SLCO3A1: variants seen among roughly 807,000 people sequenced by gnomAD.
The protein encoded by SLCO3A1 is solute carrier organic anion transporter family member 3A1, also known as PGE1 transporter.
In SLCO3A1, 27 loss-of-function variants were observed where a neutral mutation model predicts 63.1. The observed-to-expected ratio is 0.43, with a 90% CI of 0.32 to 0.59. SLCO3A1 has a LOEUF of 0.59. Ranked by LOEUF, SLCO3A1 falls within the 20% of genes least tolerant of loss-of-function variation. The pLI is 0.09. For synonymous variants in SLCO3A1, 473 were observed against 409.9 expected, an observed-to-expected ratio of 1.15 and a Z score of -1.86; for missense variants, 773 against 945.8, an observed-to-expected ratio of 0.82 and a Z score of 2.40.
intron 5 of SLCO3A1, among the ~76,000 whole-genome samples, chr15:92,122,816 G>A (rs1340036355): frequency 1.3e-5 from 2 of 152,220 alleles, no homozygotes; most frequent in African/African-American, 4.8e-5. Context: ...CTATTGCACA[G>A]AATGAGAAGG....
In SLCO3A1 at chr15:92,104,485, G is replaced by T; in HGVS notation, c.952G>T (p.Val318Phe). 1 of 1,614,114 alleles carries T rather than the reference G, an allele frequency of 6.2e-7. No homozygotes were observed. The highest frequency in any genetic ancestry group is 8.5e-7 in the Non-Finnish European group (1 of 1,180,022). Residue 318 changes from valine to phenylalanine, a missense_variant, in exon 4 of 10, where the codon GTC (valine) becomes TTC (phenylalanine). Around this residue, in one of 3 missense-constraint regions of SLCO3A1, gnomAD observed 565 missense variants for 749.8 expected, o/e 0.75. Coordinates refer to ENST00000318445, the MANE Select transcript of SLCO3A1 (RefSeq NM_013272.4). ...CGAGAGACCCAAGCCCAGCAACGGG[G>T]TCCTGAGGCACCCCCTGGAGCCAGA... ...EYERPKPSNGVLRHPLEPDSS... is the reference protein window; with the variant it reads ...EYERPKPSNGFLRHPLEPDSS...
At chr15:92,023,334 G>T (rs2046532781) in intron 2 of SLCO3A1, among the ~76,000 whole-genome samples, 2 of 152,050 alleles carry the variant, frequency 1.3e-5, no homozygotes, top group Admixed American at 1.3e-4. Context: ...AGCTAGCCTG[G>T]TCATATTTTC....
chr15:92,160,083 C>T (rs376705309), intron 9 of SLCO3A1, among the ~76,000 whole-genome samples: 8 of 152,006 alleles, frequency 5.3e-5, no homozygotes, highest in East Asian at 3.9e-4. Context: ...TCCCCGTCAC[C>T]AGGTGTTGGG....
intron 9 of SLCO3A1, 146 bp from the exon 10 acceptor site, chr15:92,162,610 A>T: frequency 7.6e-7 from 1 of 1,318,728 alleles, no homozygotes; most frequent in Non-Finnish European, 1.0e-6. Context: ...ACACAAACTC[A>T]TGCGCTTTGC....
At chr15:91,969,654 C>T (rs1455759450) in intron 2 of SLCO3A1, among the ~76,000 whole-genome samples, 1 of 152,156 alleles carries the variant, frequency 6.6e-6, no homozygotes, top group Non-Finnish European at 1.5e-5. Flanking sequence ...TTACCAAAAT[C>T]TCCTTTTACT....
intron 2 of SLCO3A1, among the ~76,000 whole-genome samples, chr15:91,999,109 G>A (rs951811166): frequency 1.3e-5 from 2 of 152,080 alleles, no homozygotes; most frequent in Non-Finnish European, 2.9e-5. Flanking sequence ...ACGTAAAGTC[G>A]GCAATAATAG....
intron 3 of SLCO3A1, among the ~76,000 whole-genome samples, chr15:92,103,975 T>C (rs115117291): frequency 0.025 from 3,745 of 152,320 alleles, 149 homozygotes; most frequent in African/African-American, 0.085. Flanking sequence ...ACCTTAGCAG[T>C]GCTGCCAAGC....
chr15:91,951,317 A>G (rs1189432461), intron 2 of SLCO3A1, among the ~76,000 whole-genome samples: 1 of 152,306 alleles, frequency 6.6e-6, no homozygotes, highest in Non-Finnish European at 1.5e-5. Context: ...AATCAGTGCA[A>G]TACGTGGTGT....
chr15:92,160,681 AAGG>A (rs1244167628), intron 9 of SLCO3A1, among the ~76,000 whole-genome samples: 1 of 151,920 alleles, frequency 6.6e-6, no homozygotes, highest in Admixed American at 6.6e-5. Flanking sequence ...GAAGAGTTCC[AAGG>A]AGAAGTACAG....
chr15:92,170,454 A>G (rs1218349812), downstream of SLCO3A1, among the ~76,000 whole-genome samples: 1 of 152,236 alleles, frequency 6.6e-6, no homozygotes, highest in Non-Finnish European at 1.5e-5. Flanking sequence ...CACAGGTCTG[A>G]AAACTAAAGC....
intron 2 of SLCO3A1, among the ~76,000 whole-genome samples, chr15:92,090,041 T>C (rs897103285): frequency 1.3e-5 from 2 of 152,108 alleles, no homozygotes; most frequent in African/African-American, 4.8e-5. Context: ...ACAGAAAATA[T>C]ATATATATTT....
At position 92,164,078 on chromosome 15, in the gene SLCO3A1, G is replaced by A. The variant is rs920632452; in HGVS notation, c.*943G>A. On this transcript the variant is annotated 3_prime_UTR_variant, in exon 10 of 10. Coordinates refer to ENST00000318445, the MANE Select transcript of SLCO3A1 (RefSeq NM_013272.4). ...CCATATGAATTTCAAACTGTTGTAT[G>A]TATAATCCTCTAATACTATTTTTAA... 1.0e-6 allele frequency: 1 copy of A among 981,372 alleles called. No individual in the cohort carries two copies. Among genetic ancestry groups the A allele is most frequent in the Non-Finnish European group, 1.2e-6 (1 of 826,336 alleles). 60.8% of individuals were successfully genotyped at this position (981,372 alleles called of 1,614,324 possible).
At position 92,150,962 on chromosome 15, in the gene SLCO3A1, T is replaced by C. The variant is rs2048297686; in HGVS notation, c.1701T>C (p.Pro567=). 6 of 1,612,640 alleles carry C rather than the reference T, an allele frequency of 3.7e-6. No individual in the cohort carries two copies. The highest frequency in any genetic ancestry group is 4.2e-6 in the Non-Finnish European group (5 of 1,179,354). The change falls in exon 9 of 10, where the codon CCT becomes CCC. Residue 567 remains proline (P), a synonymous_variant. Coordinates refer to ENST00000318445, the MANE Select transcript of SLCO3A1 (RefSeq NM_013272.4). ...TCTTTGCACGTAGGACAGTCAGCCC[T>C]GAACTCAAGTCTTACGCTTTGGGAG... ...SVIILIRTVS[P]ELKSYALGVL...
intron 1 of SLCO3A1, among the ~76,000 whole-genome samples, chr15:91,858,403 A>T (rs1567159379): frequency 6.6e-6 from 1 of 151,792 alleles, no homozygotes; most frequent in African/African-American, 2.4e-5. Flanking sequence ...CCTTATAGCT[A>T]GATTCAAAAT....
At chr15:92,017,286 G>C (rs995523860) in intron 2 of SLCO3A1, among the ~76,000 whole-genome samples, 10 of 135,782 alleles carry the variant, frequency 7.4e-5, no homozygotes, top group African/African-American at 2.2e-4. Flanking sequence ...AGCTGGGATT[G>C]GGGGGGGGTA....
chr15:91,905,745 G>T (rs1163251421), intron 1 of SLCO3A1, among the ~76,000 whole-genome samples: 1 of 151,950 alleles, frequency 6.6e-6, no homozygotes, highest in Non-Finnish European at 1.5e-5. Context: ...TAAAAGTCTT[G>T]TAAAGAAAAC....
chr15:91,882,266 C>T lies in SLCO3A1; in HGVS notation c.180+28178C>T, dbSNP rs146043979. Among the ~76,000 whole-genome samples, 3 of 152,280 alleles carry T rather than the reference C, an allele frequency of 2.0e-5. No homozygotes were observed. Among genetic ancestry groups the T allele is most frequent in the East Asian group, 1.9e-4 (1 of 5,176 alleles). ...AAGTTTATGTCTCCCTTCTCAAGCA[C>T]GCAGTCAGGATGTGCATTTGCTGAG... On this transcript the variant is annotated intron_variant, in intron 1 of 9. Coordinates refer to ENST00000318445, the MANE Select transcript of SLCO3A1 (RefSeq NM_013272.4). This position sits in a 1 kb window ranked among gnomAD's most constrained non-coding sequence, Gnocchi z 4.4.
At chr15:92,102,527 G>A (rs556070242) in intron 3 of SLCO3A1, among the ~76,000 whole-genome samples, 2 of 152,288 alleles carry the variant, frequency 1.3e-5, no homozygotes, top group African/African-American at 4.8e-5. Context: ...ACTCAAGGAG[G>A]GTAAGTAATC....
chr15:92,042,784 A>G (rs2151488931), intron 2 of SLCO3A1, among the ~76,000 whole-genome samples: 1 of 152,274 alleles, frequency 6.6e-6, no homozygotes, highest in East Asian at 1.9e-4. Flanking sequence ...CACAAGGCAC[A>G]CTGAGAAATC....
Sources: allele counts gnomAD v4.1 joint callset (sites outside exome capture counted in the v4.1 genomes callset), GRCh38; gene constraint gnomAD v4.1.1; regional missense constraint gnomAD v4.1.1; non-coding constraint Gnocchi (gnomAD v3.1); transcripts MANE v1.5; gene names NCBI Gene and HGNC (gene_info 2026-07-23, HGNC 2026-07-21).